The following SLC36A1 variants were observed in gnomAD, a reference collection of about 807,000 sequenced individuals.
The protein encoded by SLC36A1 is solute carrier family 36 member 1.
Under a neutral mutation model 47.5 loss-of-function variants are expected in SLC36A1, and 30 were observed. That is an observed-to-expected ratio of 0.63 (90% CI 0.47 to 0.86). The LOEUF (loss-of-function observed/expected upper bound fraction) is 0.86. Among genes scored for constraint, SLC36A1 ranks in the 40% least tolerant of loss-of-function variants. The pLI, the probability that SLC36A1 is intolerant of heterozygous loss-of-function variation, is 0.00. For missense variants in SLC36A1, 517 were observed against 606.0 expected, an observed-to-expected ratio of 0.85 and a Z score of 1.54; for synonymous variants, 255 against 249.7, an observed-to-expected ratio of 1.02 and a Z score of -0.20.
chr5:151,551,548 G>A, the SLC36A1 span: 4 of 1,614,224 alleles, frequency 2.5e-6, no homozygotes, highest in Non-Finnish European at 3.4e-6. Flanking sequence ...CAAGAGGCCT[G>A]GCAATGACGA....
chr5:151,540,862 T>G, the SLC36A1 span: 3 of 1,121,630 alleles, frequency 2.7e-6, no homozygotes, highest in Non-Finnish European at 3.8e-6. Flanking sequence ...TTTAGAATTG[T>G]TGGGAAAGCA....
the SLC36A1 span, among the ~76,000 whole-genome samples, chr5:151,345,059 G>T: frequency 6.6e-6 from 1 of 152,260 alleles, no homozygotes; most frequent in South Asian, 2.1e-4. Flanking sequence ...TAAGACAAAT[G>T]CGAAGGTTTG....
At chr5:151,382,096 C>G in the SLC36A1 span, 1 of 796,974 alleles carries the variant, frequency 1.3e-6, no homozygotes, top group Admixed American at 1.9e-5. Context: ...AGCCTACTGA[C>G]AGTCATCCAC....
At chr5:151,466,802 C>T (rs1269445025) in intron 5 of SLC36A1, among the ~76,000 whole-genome samples, 1 of 152,110 alleles carries the variant, frequency 6.6e-6, no homozygotes, top group East Asian at 1.9e-4. Context: ...ATGTGTCTCA[C>T]CTCATGCAGC....
the SLC36A1 span, among the ~76,000 whole-genome samples, chr5:151,387,637 T>C: frequency 1.3e-5 from 2 of 152,202 alleles, no homozygotes; most frequent in South Asian, 2.1e-4. Context: ...GATTTCACTC[T>C]ATTCCCAGGG....
At chr5:151,485,148 T>C (rs1422674140) in intron 10 of SLC36A1, among the ~76,000 whole-genome samples, 1 of 152,166 alleles carries the variant, frequency 6.6e-6, no homozygotes, top group Non-Finnish European at 1.5e-5. Context: ...ACCAACTCTA[T>C]TTAGAAGCAG....
At chr5:151,356,575 C>T in the SLC36A1 span, among the ~76,000 whole-genome samples, 1 of 152,096 alleles carries the variant, frequency 6.6e-6, no homozygotes, top group East Asian at 1.9e-4. Context: ...AAATGCCCTT[C>T]AGGCACTGGC....
chr5:151,536,847 A>G, the SLC36A1 span, among the ~76,000 whole-genome samples: 1 of 152,100 alleles, frequency 6.6e-6, no homozygotes, highest in Non-Finnish European at 1.5e-5. Context: ...TAAAGGTGGG[A>G]TTTGGCTCTG....
At chr5:151,507,046 G>T in the SLC36A1 span, 1 of 949,188 alleles carries the variant, frequency 1.1e-6, no homozygotes, top group Non-Finnish European at 1.6e-6. Flanking sequence ...ATCCCAAAGG[G>T]TTGGATGCGT....
At chr5:151,468,516 C>T (rs771238676) in intron 7 of SLC36A1, among the ~76,000 whole-genome samples, 15 of 149,618 alleles carry the variant, frequency 1.0e-4, no homozygotes, top group Non-Finnish European at 2.1e-4. Flanking sequence ...ATTAGAGGTT[C>T]TGTTCTTGGG....
chr5:151,540,904 T>A, the SLC36A1 span: 2 of 646,822 alleles, frequency 3.1e-6, no homozygotes, highest in Admixed American at 3.4e-5. Context: ...GAACCCACGA[T>A]TCTACACTGA....
At chr5:151,414,969 T>C in the SLC36A1 span, among the ~76,000 whole-genome samples, 2 of 145,660 alleles carry the variant, frequency 1.4e-5, no homozygotes, top group Non-Finnish European at 2.9e-5. Flanking sequence ...GCAGGCTCAT[T>C]ACATTTATGT....
the SLC36A1 span, among the ~76,000 whole-genome samples, chr5:151,514,907 C>T: frequency 6.6e-6 from 1 of 152,370 alleles, no homozygotes; most frequent in South Asian, 2.1e-4. Context: ...TATCATTCCA[C>T]AGCATACACA....
the SLC36A1 span, chr5:151,380,473 CAT>C: frequency 1.3e-5 from 6 of 452,088 alleles, no homozygotes; most frequent in Admixed American, 2.5e-5. Flanking sequence ...GACTTGGAAA[CAT>C]GTGCCTATCC....
At chr5:151,481,137 C>G (rs763357729) in intron 10 of SLC36A1, among the ~76,000 whole-genome samples, 20 of 152,212 alleles carry the variant, frequency 1.3e-4, no homozygotes, top group Non-Finnish European at 2.8e-4. Context: ...CCTTAGATGC[C>G]TCTTGGATTT....
At chr5:151,402,064 C>T in the SLC36A1 span, among the ~76,000 whole-genome samples, 16 of 152,136 alleles carry the variant, frequency 1.1e-4, no homozygotes, top group Non-Finnish European at 1.8e-4. Context: ...TAGTCTTGTT[C>T]CAGTTCTTAA....
chr5:151,505,886 G>C, the SLC36A1 span: 1 of 1,604,172 alleles, frequency 6.2e-7, no homozygotes, highest in African/African-American at 1.3e-5. Flanking sequence ...TCTGGTTGCT[G>C]TAACGGGGTG....
intron 1 of SLC36A1, among the ~76,000 whole-genome samples, chr5:151,458,139 C>T (rs1033583748): frequency 2.0e-5 from 3 of 151,798 alleles, no homozygotes; most frequent in Admixed American, 6.6e-5. Flanking sequence ...TGAGCCACCA[C>T]ACCCAGCCCA....
the SLC36A1 span, among the ~76,000 whole-genome samples, chr5:151,348,843 G>T: frequency 6.6e-6 from 1 of 152,144 alleles, no homozygotes; most frequent in Non-Finnish European, 1.5e-5. Context: ...TTTGGTTGTT[G>T]TTGTTTGTTT....
Sources: allele counts gnomAD v4.1 joint callset (sites outside exome capture counted in the v4.1 genomes callset), GRCh38; gene constraint gnomAD v4.1.1; transcripts MANE v1.5; gene names NCBI Gene and HGNC (gene_info 2026-07-23, HGNC 2026-07-21).